The following TMEM41B variants were observed in gnomAD, a reference collection of about 807,000 sequenced individuals.
TMEM41B encodes protein stasimon.
In TMEM41B, 18 loss-of-function variants were observed where a neutral mutation model predicts 31.9. The ratio of observed to expected loss-of-function variants is 0.56; its 90% CI spans 0.39 to 0.84. The LOEUF is 0.84. Ranked by LOEUF, TMEM41B falls within the 40% of genes least tolerant of loss-of-function variation. The probability of loss-of-function intolerance (pLI) is 0.00; values close to 1 mark genes in which losing one functional copy is unlikely to be tolerated. For synonymous variants in TMEM41B, 144 were observed against 124.3 expected, an observed-to-expected ratio of 1.16 and a Z score of -1.05; for missense variants, 322 against 348.0, an observed-to-expected ratio of 0.93 and a Z score of 0.59.
rs747780434 is a variant in TMEM41B, at chr11:9,281,403, A to G, written c.*2021T>C. 1.3e-5 allele frequency: 2 copies of G among 152,240 alleles called. No homozygotes were observed. The highest frequency in any genetic ancestry group is 2.4e-5 in the African/African-American group (1 of 41,464). The allele number at this position is 152,240 out of a possible 1,614,324, so 9.4% of individuals were successfully genotyped here. On this transcript the variant is annotated 3_prime_UTR_variant, in exon 7 of 7. Coordinates refer to ENST00000528080, the MANE Select transcript of TMEM41B (RefSeq NM_015012.4). Reference sequence around the variant, plus strand: ...TGACATAAGAATACTACAATAATCAATATGTTTTCTTTGTATTTACAATAA... The same window carrying G: ...TGACATAAGAATACTACAATAATCAGTATGTTTTCTTTGTATTTACAATAA...
chr11:9,283,535 T>G lies in TMEM41B; in HGVS notation c.765A>C (p.Thr255=), dbSNP rs1470600218. 6.2e-7 allele frequency: 1 copy of G among 1,613,652 alleles called. No homozygotes were observed. Among genetic ancestry groups the G allele is most frequent in the South Asian group, 1.1e-5 (1 of 90,994 alleles). ...IKAGTTLYQL[T]TAGEAVSWNS... ...TCCAGGAAACAGCTTCTCCTGCTGT[T>G]GTAAGTTGATACAGTGTTGTTCCTG... Residue 255 remains threonine (T), a synonymous_variant, in exon 7 of 7, where the codon ACA becomes ACC. Coordinates refer to ENST00000528080, the MANE Select transcript of TMEM41B (RefSeq NM_015012.4).
intron 1 of TMEM41B, among the ~76,000 whole-genome samples, chr11:9,309,778 C>T (rs994456499): frequency 4.6e-5 from 7 of 150,894 alleles, no homozygotes; most frequent in African/African-American, 1.7e-4. Context: ...AAAAATTAGC[C>T]AGGCGTGGTG....
At chr11:9,305,533 G>A (rs1019433972) in intron 1 of TMEM41B, among the ~76,000 whole-genome samples, 1 of 152,200 alleles carries the variant, frequency 6.6e-6, no homozygotes. Flanking sequence ...CTGGGAGGTG[G>A]AGGTTGTGGT....
At chr11:9,314,185 G>A in intron 1 of TMEM41B, 136 bp downstream of exon 1, 2 of 1,173,884 alleles carry the variant, frequency 1.7e-6, no homozygotes, top group Non-Finnish European at 1.1e-6. Flanking sequence ...ACTCCCCCAC[G>A]GTCTCTGCTC....
At chr11:9,286,684 C>T (rs1852844721) in intron 5 of TMEM41B, 91 bp from the exon 6 acceptor site, 2 of 1,313,564 alleles carry the variant, frequency 1.5e-6, no homozygotes, top group Admixed American at 2.2e-5. Flanking sequence ...ATTCTCATTC[C>T]TGATACTTCA....
chr11:9,286,827 C>T (rs1423193278), intron 5 of TMEM41B, among the ~76,000 whole-genome samples: 2 of 149,934 alleles, frequency 1.3e-5, no homozygotes, highest in African/African-American at 4.9e-5. Context: ...TGGTGAAACC[C>T]GTTTCTACTA....
At chr11:9,301,977 T>C (rs1020044573) in intron 1 of TMEM41B, among the ~76,000 whole-genome samples, 31 of 122,232 alleles carry the variant, frequency 2.5e-4, no homozygotes, top group East Asian at 2.7e-4. Context: ...TAAATGCCAG[T>C]TGAGATTCTC....
chr11:9,309,082 T>C (rs1333851587), intron 1 of TMEM41B, among the ~76,000 whole-genome samples: 3 of 152,122 alleles, frequency 2.0e-5, no homozygotes. Context: ...AACCCGTCTC[T>C]ACTAAAAATA....
intron 6 of TMEM41B, among the ~76,000 whole-genome samples, chr11:9,284,297 C>T (rs1343186443): frequency 6.6e-6 from 1 of 151,866 alleles, no homozygotes; most frequent in East Asian, 1.9e-4. Flanking sequence ...AGGCGTGTAC[C>T]ACCACACCCA....
At chr11:9,311,586 G>C (rs1461753062) in intron 1 of TMEM41B, 16 of 1,063,096 alleles carry the variant, frequency 1.5e-5, no homozygotes, top group Non-Finnish European at 2.1e-5. Flanking sequence ...TGGGGGAAAG[G>C]GTGGGTTGAT....
chr11:9,288,004 C>T (rs1316476268), intron 4 of TMEM41B, 198 bp from the exon 5 acceptor site: 2 of 558,918 alleles, frequency 3.6e-6, no homozygotes, highest in African/African-American at 3.9e-5. Context: ...CTAAAACAAA[C>T]TGGCACTTGT....
intron 3 of TMEM41B, among the ~76,000 whole-genome samples, chr11:9,288,813 A>T (rs1374825311): frequency 1.3e-5 from 2 of 152,184 alleles, no homozygotes; most frequent in Non-Finnish European, 2.9e-5. Context: ...GGTCTTCCGT[A>T]ATCTTTTAGT....
chr11:9,288,540 T>G lies in TMEM41B; in HGVS notation c.369-5A>C, dbSNP rs767329277. The G allele has an allele frequency of 6.4e-7, 1 of 1,564,126 alleles. No homozygotes were observed. Among genetic ancestry groups the G allele is most frequent in the South Asian group, 1.2e-5 (1 of 80,982 alleles). On this transcript the variant is annotated splice_polypyrimidine_tract_variant and splice_region_variant and intron_variant, in intron 3 of 6. Transcript: ENST00000528080. ...GGAATAGCAAATGTTTGCAAGCTGG[T>G]AACTTTTAAGTTAAGGATTAGAATA...
rs1262302389 is a variant in TMEM41B at position 9,281,123 on chromosome 11, T to C, written c.*2301A>G. 1 of 152,224 alleles carries C rather than the reference T, an allele frequency of 6.6e-6. No homozygotes were observed. The highest frequency in any genetic ancestry group is 2.4e-5 in the African/African-American group (1 of 41,462). The allele number at this position is 152,224 out of a possible 1,614,324, so 9.4% of individuals were successfully genotyped here. Reference sequence around the variant, plus strand: ...AAATATACTCTGAGAATAGAGTAAGTACAATTTACACACGCTGGAGTAAAT... The same window carrying C: ...AAATATACTCTGAGAATAGAGTAAGCACAATTTACACACGCTGGAGTAAAT... On this transcript the variant is annotated 3_prime_UTR_variant, in exon 7 of 7. Coordinates refer to ENST00000528080, the MANE Select transcript of TMEM41B (RefSeq NM_015012.4).
At chr11:9,300,475 G>A (rs1853221976) in intron 1 of TMEM41B, among the ~76,000 whole-genome samples, 1 of 152,132 alleles carries the variant, frequency 6.6e-6, no homozygotes, top group Non-Finnish European at 1.5e-5. Flanking sequence ...TATACCAAAT[G>A]CATCGGAATA....
At chr11:9,290,780 GA>G (rs1362513392) in intron 3 of TMEM41B, among the ~76,000 whole-genome samples, 3 of 149,720 alleles carry the variant, frequency 2.0e-5, no homozygotes, top group Middle Eastern at 3.5e-3. Context: ...TGAAATTGGG[GA>G]AAAAAAAACA....
At chr11:9,296,029 G>A (rs891873024) in intron 2 of TMEM41B, among the ~76,000 whole-genome samples, 1 of 149,216 alleles carries the variant, frequency 6.7e-6, no homozygotes, top group African/African-American at 2.5e-5. Flanking sequence ...ACTAATTTTT[G>A]TATTTTTAGT....
At chr11:9,304,518 G>A (rs1853336039) in intron 1 of TMEM41B, among the ~76,000 whole-genome samples, 1 of 151,948 alleles carries the variant, frequency 6.6e-6, no homozygotes, top group Non-Finnish European at 1.5e-5. Flanking sequence ...TGTTGCCCAG[G>A]CTGGAGTGCA....
At chr11:9,312,876 C>G (rs1026501637) in intron 1 of TMEM41B, among the ~76,000 whole-genome samples, 2 of 144,612 alleles carry the variant, frequency 1.4e-5, no homozygotes, top group Admixed American at 1.5e-4. Context: ...TGCACTCCAG[C>G]CTGGGTGACA....
Sources: allele counts gnomAD v4.1 joint callset (sites outside exome capture counted in the v4.1 genomes callset), GRCh38; gene constraint gnomAD v4.1.1; transcripts MANE v1.5; gene names NCBI Gene and HGNC (gene_info 2026-07-23, HGNC 2026-07-21).